EPDR1: variants seen among roughly 807,000 people sequenced by gnomAD.
EPDR1 encodes the protein mammalian ependymin-related protein 1.
EPDR1 carries 27 observed loss-of-function variants against 23.7 expected under a neutral mutation model. That is an observed-to-expected ratio of 1.14 (90% CI 0.84 to 1.57). The LOEUF (loss-of-function observed/expected upper bound fraction) is 1.57. Among genes scored for constraint, EPDR1 ranks in the 40% most tolerant of loss-of-function variants. The pLI is 0.00. For synonymous variants in EPDR1, 137 were observed against 118.2 expected, an observed-to-expected ratio of 1.16 and a Z score of -1.03; for missense variants, 349 against 290.4, an observed-to-expected ratio of 1.20 and a Z score of -1.47.
intron 1 of EPDR1, among the ~76,000 whole-genome samples, chr7:37,925,012 C>T (rs1583661480): frequency 6.6e-6 from 1 of 152,080 alleles, no homozygotes; most frequent in Non-Finnish European, 1.5e-5. Context: ...CTCTGTTTTC[C>T]CTGAGATGAT....
rs766302999 is a variant in EPDR1, at chr7:37,921,140, C to G, written c.201C>G (p.Leu67=). ...GCGGGCGCAACAGCCGCGCCCTGCT[C>G]TCCTACGACGGGCTCAACCAGCGCG... ...QSSGRNSRAL[L]SYDGLNQRVR... Residue 67 remains leucine (L), a synonymous_variant, in exon 1 of 3, where the codon CTC becomes CTG. Transcript: ENST00000199448. 4 of 1,596,568 alleles carry G rather than the reference C, an allele frequency of 2.5e-6. No individual in the cohort carries two copies. The African/African-American group carries it at 5.4e-5, about 21-fold the overall frequency.
At chr7:37,934,579 G>A (rs1786012275) in intron 1 of EPDR1, among the ~76,000 whole-genome samples, 1 of 152,044 alleles carries the variant, frequency 6.6e-6, no homozygotes, top group Non-Finnish European at 1.5e-5. Flanking sequence ...TATGAGTACA[G>A]TCAGCCCTCT....
intron 1 of EPDR1, among the ~76,000 whole-genome samples, chr7:37,936,054 T>C: frequency 1.1e-5 from 1 of 93,000 alleles, no homozygotes; most frequent in Non-Finnish European, 2.3e-5. Context: ...AAGGGAAATG[T>C]GAATCTGTTA....
chr7:37,922,533 T>C (rs1026755246), intron 1 of EPDR1, among the ~76,000 whole-genome samples: 8 of 152,216 alleles, frequency 5.3e-5, no homozygotes, highest in Admixed American at 3.3e-4. Context: ...ACATCTATTA[T>C]ATAATTTAGT....
At chr7:37,940,540 C>T (rs915970819) in intron 1 of EPDR1, among the ~76,000 whole-genome samples, 2 of 152,020 alleles carry the variant, frequency 1.3e-5, no homozygotes, top group African/African-American at 2.4e-5. Flanking sequence ...TACTGACTCT[C>T]GATACTAGGG....
intron 1 of EPDR1, among the ~76,000 whole-genome samples, chr7:37,925,987 G>T (rs1381392063): frequency 6.6e-6 from 1 of 152,090 alleles, no homozygotes; most frequent in Non-Finnish European, 1.5e-5. Context: ...AAAAAGAGAA[G>T]AGGCTACCTT....
chr7:37,921,368 G>C (rs1199326960), intron 1 of EPDR1, 160 bp downstream of exon 1: 5 of 1,403,932 alleles, frequency 3.6e-6, no homozygotes, highest in Non-Finnish European at 4.6e-6. Flanking sequence ...GGGATAGCAT[G>C]GTCCGGGACT....
intron 1 of EPDR1, among the ~76,000 whole-genome samples, chr7:37,945,384 C>T (rs765554785): frequency 1.3e-5 from 2 of 152,058 alleles, no homozygotes; most frequent in Non-Finnish European, 2.9e-5. Flanking sequence ...CCTTGTAAGC[C>T]GTTTCAAATC....
intron 1 of EPDR1, among the ~76,000 whole-genome samples, chr7:37,923,104 C>A (rs1184634999): frequency 6.6e-6 from 1 of 152,164 alleles, no homozygotes; most frequent in Non-Finnish European, 1.5e-5. Flanking sequence ...AAGGGTCATA[C>A]TGAGGAGTTT....
At chr7:37,942,247 A>C (rs944714155) in intron 1 of EPDR1, among the ~76,000 whole-genome samples, 4 of 152,226 alleles carry the variant, frequency 2.6e-5, no homozygotes, top group African/African-American at 9.6e-5. Context: ...TGGATAAATA[A>C]AATATGGTGT....
intron 1 of EPDR1, among the ~76,000 whole-genome samples, chr7:37,933,425 GGTGTTTAA>G (rs1424686731): frequency 5.3e-5 from 8 of 152,176 alleles, no homozygotes; most frequent in Non-Finnish European, 1.2e-4. Flanking sequence ...GAAGGCACAT[GGTGTTTAA>G]GAGTTAGAAT....
rs542652665 is a variant in EPDR1, at chr7:37,932,926, G to A, written c.269+11718G>A. Among the ~76,000 whole-genome samples, 24 of 152,236 alleles carry A rather than the reference G, an allele frequency of 1.6e-4. No homozygotes were observed. In the South Asian group the frequency reaches 3.7e-3, roughly 24 times the overall value. ...TTCTCAAGCACTTTTTTCATCTTTT[G>A]AACTGGAATCCAAGTCATGGAGGCC... On this transcript the variant is annotated intron_variant, in intron 1 of 2. Coordinates refer to ENST00000199448, the MANE Select transcript of EPDR1 (RefSeq NM_017549.5).
chr7:37,935,807 T>A (rs374774844), intron 1 of EPDR1, among the ~76,000 whole-genome samples: 1 of 151,466 alleles, frequency 6.6e-6, no homozygotes. Flanking sequence ...CAGTTAGTAG[T>A]ATCTCATAAA....
chr7:37,933,047 T>C (rs1785976042), intron 1 of EPDR1, among the ~76,000 whole-genome samples: 1 of 152,262 alleles, frequency 6.6e-6, no homozygotes, highest in Non-Finnish European at 1.5e-5. Flanking sequence ...TTCCTTTTGT[T>C]ATATGTGATT....
chr7:37,932,011 A>T (rs1463509308), intron 1 of EPDR1, among the ~76,000 whole-genome samples: 1 of 152,062 alleles, frequency 6.6e-6, no homozygotes, highest in Admixed American at 6.6e-5. Context: ...CCCGGTCGGG[A>T]ACTTTCCTCT....
At chr7:37,924,174 G>C (rs1286193131) in intron 1 of EPDR1, among the ~76,000 whole-genome samples, 1 of 152,208 alleles carries the variant, frequency 6.6e-6, no homozygotes, top group Non-Finnish European at 1.5e-5. Context: ...GAACTATGTG[G>C]GGAGCCAAAT....
At chr7:37,924,311 C>T (rs1036459259) in intron 1 of EPDR1, among the ~76,000 whole-genome samples, 1 of 152,190 alleles carries the variant, frequency 6.6e-6, no homozygotes, top group East Asian at 1.9e-4. Context: ...ACAGGCCAGC[C>T]TGGGGTAAGG....
In EPDR1 at chr7:37,948,586, C is replaced by T. The variant is rs551443829; in HGVS notation, c.270-254C>T. Among the ~76,000 whole-genome samples the T allele has an allele frequency of 3.3e-5, 5 of 152,162 alleles. No individual in the cohort carries two copies. In the South Asian group the frequency reaches 6.2e-4, roughly 19 times the overall value. ...CGGTCTCAAACTCCTGGGCTCAAAA[C>T]GTACTCCATCCTCGGCCTCCCAAAG... On this transcript the variant is annotated intron_variant, in intron 1 of 2. Coordinates refer to ENST00000199448, the MANE Select transcript of EPDR1 (RefSeq NM_017549.5).
rs1378756573 is a variant in EPDR1 at position 37,950,436 on chromosome 7, C to G, written c.*40C>G. 6.5e-7 allele frequency: 1 copy of G among 1,538,314 alleles called. No individual in the cohort carries two copies. The highest frequency in any genetic ancestry group is 1.4e-5 in the African/African-American group (1 of 72,904). The stretch of plus-strand genomic sequence containing the variant: ...AAGCGGCAGCATCGGATGTCAGCCC[C>G]CTGCGGCCCCAGCTGGAGATGGATA... On this transcript the variant is annotated 3_prime_UTR_variant, in exon 3 of 3. Transcript: ENST00000199448.
Sources: gnomAD v4.1 joint callset for allele counts (sites outside exome capture counted in the v4.1 genomes callset) on GRCh38, gnomAD v4.1.1 for gene constraint, MANE v1.5 for transcripts, NCBI Gene and HGNC (gene_info 2026-07-23, HGNC 2026-07-21) for gene names.